RPL29: variants seen among roughly 807,000 people sequenced by gnomAD.
RPL29 encodes ribosomal protein L29.
RPL29 carries 4 observed loss-of-function variants against 7.2 expected under a neutral mutation model. The observed-to-expected ratio is 0.55, with a 90% confidence interval of 0.27 to 1.26. The LOEUF is 1.26. RPL29 is among the 50% of genes most tolerant of loss of function. RPL29 has a pLI of 0.11. For synonymous variants in RPL29, 73 were observed against 72.8 expected (o/e 1.00, Z -0.01); for missense variants, 148 against 209.1 (o/e 0.71, Z 1.80).
rs1701274137 is a variant in RPL29, at chr3:51,993,590, C to G, written c.*159G>C. 1 of 790,828 alleles carries G rather than the reference C, an allele frequency of 1.3e-6. No individual in the cohort carries two copies. Among genetic ancestry groups the G allele is most frequent in the Admixed American group, 2.7e-5 (1 of 36,426 alleles). The allele number at this position is 790,828 out of a possible 1,614,324, so 49.0% of individuals were successfully genotyped here. A position where few individuals can be genotyped will look rare whatever the true frequency, so the allele number is the denominator to read the frequency against. Reference sequence around the variant, plus strand: ...CTCCCACACCAACAGATGGAGCAACCAAACCCATCCCCAGGATCATAGACA... The same window carrying G: ...CTCCCACACCAACAGATGGAGCAACGAAACCCATCCCCAGGATCATAGACA... On this transcript the variant is annotated 3_prime_UTR_variant, in exon 4 of 4. Transcript: ENST00000294189.
chr3:51,995,278 C>T, intron 2 of RPL29, 147 bp downstream of exon 2: 1 of 1,039,588 alleles, frequency 9.6e-7, no homozygotes, highest in Non-Finnish European at 1.5e-6. Flanking sequence ...AAGTAGATCT[C>T]TAAACCTATA....
intron 2 of RPL29, 50 bp downstream of exon 2, chr3:51,995,375 A>C (rs1701300602): frequency 6.2e-7 from 1 of 1,602,620 alleles, no homozygotes. Flanking sequence ...AGTTTGCCTG[A>C]ACCAGTCCTT....
chr3:51,993,601 C>A lies in RPL29; in HGVS notation c.*148G>T. The stretch of plus-strand genomic sequence containing the variant: ...ACAGATGGAGCAACCAAACCCATCC[C>A]CAGGATCATAGACAGAGGCTAACAA... On this transcript the variant is annotated 3_prime_UTR_variant, in exon 4 of 4. Coordinates refer to ENST00000294189, the MANE Select transcript of RPL29 (RefSeq NM_000992.3). 1.2e-6 allele frequency: 1 copy of A among 858,794 alleles called. No individual in the cohort carries two copies. The highest frequency in any genetic ancestry group is 1.8e-6 in the Non-Finnish European group (1 of 561,132). The allele number at this position is 858,794 out of a possible 1,614,324, so 53.2% of individuals were successfully genotyped here.
rs1460636499 is a variant in RPL29, at chr3:51,995,310, TGAA to T, written c.37+112_37+114del. The T allele has an allele frequency of 3.5e-5, 43 of 1,213,630 alleles. 1 individual carries two copies. In the Admixed American group the frequency reaches 4.6e-4, roughly 13 times the overall value. The allele number at this position is 1,213,630 out of a possible 1,614,324, so 75.2% of individuals were successfully genotyped here. A position where few individuals can be genotyped will look rare whatever the true frequency, so the allele number is the denominator to read the frequency against. On this transcript the variant is annotated intron_variant, in intron 2 of 3. Transcript: ENST00000294189. ...TATAAACCCTAAAGTTATTACTGGG[TGAA>T]ATCAATCAGCCTCAGGCCCACAATG...
Position 51,993,645 on chromosome 3 carries a change from T to C in RPL29, c.*104A>G, listed in dbSNP as rs1475254535. 1.4e-5 allele frequency: 17 copies of C among 1,199,908 alleles called. No homozygotes were observed. The East Asian group carries it at 1.9e-4, about 13-fold the overall frequency. 74.3% of individuals were successfully genotyped at this position (1,199,908 alleles called of 1,614,324 possible). Reference sequence around the variant, plus strand: ...CTAACAAATCCTGCCTCAGGTTTATTTGTACAAATAGCACAGGAGGACCCC... The same window carrying C: ...CTAACAAATCCTGCCTCAGGTTTATCTGTACAAATAGCACAGGAGGACCCC... On this transcript the variant is annotated 3_prime_UTR_variant, in exon 4 of 4. Coordinates refer to ENST00000294189, the MANE Select transcript of RPL29 (RefSeq NM_000992.3).
chr3:51,994,860 G>A lies in RPL29; in HGVS notation c.102+182C>T, dbSNP rs1021897745. ...TGACCAGAGGGTTACACTTCAGGCT[G>A]TGGAGACCAAGGAAAGCTTTATTAT... On this transcript the variant is annotated intron_variant, in intron 3 of 3. Transcript: ENST00000294189. 5 of 745,408 alleles carry A rather than the reference G, an allele frequency of 6.7e-6. No individual in the cohort carries two copies. The Middle Eastern group carries it at 6.9e-4, about 102-fold the overall frequency. The allele number at this position is 745,408 out of a possible 1,614,324, so 46.2% of individuals were successfully genotyped here.
rs775633324 is a variant in RPL29, at chr3:51,994,145, A to G, written c.103-19T>C. Reference sequence around the variant, plus strand: ...GGTCCACCTGAAAAGCAGGAAAGGTACAGGTGGCAGCATGTGGGTCCCCAA... The same window carrying G: ...GGTCCACCTGAAAAGCAGGAAAGGTGCAGGTGGCAGCATGTGGGTCCCCAA... On this transcript the variant is annotated intron_variant, in intron 3 of 3. Coordinates refer to ENST00000294189, the MANE Select transcript of RPL29 (RefSeq NM_000992.3). 1 of 1,574,882 alleles carries G rather than the reference A, an allele frequency of 6.3e-7. No individual in the cohort carries two copies. The highest frequency in any genetic ancestry group is 1.4e-5 in the African/African-American group (1 of 74,056).
intron 2 of RPL29, 119 bp from the exon 3 acceptor site, chr3:51,995,225 T>C: frequency 9.8e-7 from 1 of 1,019,814 alleles, no homozygotes; most frequent in Non-Finnish European, 1.5e-6. Flanking sequence ...ACACTTGAGA[T>C]ATGGGAAACC....
chr3:51,994,483 A>T (rs1701289480), intron 3 of RPL29: 1 of 331,722 alleles, frequency 3.0e-6, no homozygotes, highest in South Asian at 4.4e-5. Flanking sequence ...GTGTCAATTA[A>T]ATACCAAGTC....
Position 51,995,020 on chromosome 3 carries a change from C to A in RPL29, c.102+22G>T, listed in dbSNP as rs146299911. 2,561 of 1,602,060 alleles carry A rather than the reference C, an allele frequency of 1.6e-3. 4 individuals carry two copies. The highest frequency in any genetic ancestry group is 2.0e-3 in the Non-Finnish European group (2,390 of 1,169,276). On this transcript the variant is annotated intron_variant, in intron 3 of 3. Transcript: ENST00000294189. ...CACCTGGAACCAAGAAAAGACACTT[C>A]CATGTGATTCAGTGCACTCACCCCC...
rs140909692 is a variant in RPL29, at chr3:51,995,032, G to A, written c.102+10C>T. 323 of 1,609,610 alleles carry A rather than the reference G, an allele frequency of 2.0e-4. 2 individuals carry two copies. In the East Asian group the frequency reaches 5.6e-3, roughly 28 times the overall value. On this transcript the variant is annotated intron_variant, in intron 3 of 3. Transcript: ENST00000294189. ...AGAAAAGACACTTCCATGTGATTCAGTGCACTCACCCCCTTAAGAGATTCG... is the reference window on the plus strand; with the variant it reads ...AGAAAAGACACTTCCATGTGATTCAATGCACTCACCCCCTTAAGAGATTCG...
chr3:51,994,826 G>A, intron 3 of RPL29: 1 of 710,800 alleles, frequency 1.4e-6, no homozygotes, highest in Non-Finnish European at 2.6e-6. Flanking sequence ...CAGGAGGCAG[G>A]TTACACCCTG....
In RPL29 at chr3:51,994,026, C is replaced by G. The variant is rs762295825; in HGVS notation, c.203G>C (p.Arg68Pro). 9.4e-6 allele frequency: 15 copies of G among 1,599,240 alleles called. No individual in the cohort carries two copies. Among genetic ancestry groups the G allele is most frequent in the African/African-American group, 1.3e-5 (1 of 74,892 alleles). Residue 68 changes from arginine to proline, a missense_variant, in exon 4 of 4, where the codon CGT becomes CCT. By Grantham distance (103) the Arg-to-Pro change is moderately radical. Coordinates refer to ENST00000294189, the MANE Select transcript of RPL29 (RefSeq NM_000992.3). ...TACGAGGGCCTTGATAGCCTCGGCA[C>G]GTGCACTCATGGCCTTGGCATTGTT... Reference protein sequence around the residue: ...QANNAKAMSARAEAIKALVKP... With the variant: ...QANNAKAMSAPAEAIKALVKP...
chr3:51,994,886 G>A (rs1315813920), intron 3 of RPL29, 156 bp downstream of exon 3: 1 of 787,494 alleles, frequency 1.3e-6, no homozygotes, highest in South Asian at 1.3e-5. Context: ...GCTTTATTAT[G>A]GGTCTGGTAG....
Position 51,995,031 on chromosome 3 carries a change from A to G in RPL29, c.102+11T>C, listed in dbSNP as rs778256940. 1.2e-6 allele frequency: 2 copies of G among 1,608,838 alleles called. No individual in the cohort carries two copies. Among genetic ancestry groups the G allele is most frequent in the Non-Finnish European group, 1.7e-6 (2 of 1,175,440 alleles). ...AAGAAAAGACACTTCCATGTGATTC[A>G]GTGCACTCACCCCCTTAAGAGATTC... On this transcript the variant is annotated intron_variant, in intron 3 of 3. Coordinates refer to ENST00000294189, the MANE Select transcript of RPL29 (RefSeq NM_000992.3).
At chr3:51,994,797 G>C in intron 3 of RPL29, 2 of 702,300 alleles carry the variant, frequency 2.8e-6, no homozygotes, top group Admixed American at 4.0e-5. Flanking sequence ...CCAAGCAAGG[G>C]AGATAGCCAA....
intron 2 of RPL29, 129 bp from the exon 3 acceptor site, chr3:51,995,235 C>G (rs1305774253): frequency 2.0e-6 from 2 of 989,022 alleles, no homozygotes; most frequent in East Asian, 4.8e-5. Flanking sequence ...TATGGGAAAC[C>G]CTTACTACTA....
chr3:51,995,822 CG>C lies in RPL29; in HGVS notation c.-9+34del, dbSNP rs1465962385. ...GCGCCCCGCCGCCACCCGTAAGTCGCGGATGGCATCGGATGCCGCGCGGCCA... is the reference window on the plus strand; with the variant it reads ...GCGCCCCGCCGCCACCCGTAAGTCGCGATGGCATCGGATGCCGCGCGGCCA... On this transcript the variant is annotated intron_variant, in intron 1 of 3. Coordinates refer to ENST00000294189, the MANE Select transcript of RPL29 (RefSeq NM_000992.3). The C allele has an allele frequency of 1.3e-5, 4 of 310,530 alleles. No homozygotes were observed. In the Admixed American group the frequency reaches 1.8e-4, roughly 14 times the overall value. The allele number at this position is 310,530 out of a possible 1,614,324, so 19.2% of individuals were successfully genotyped here.
At chr3:51,995,301 A>G in intron 2 of RPL29, 124 bp downstream of exon 2, 2 of 1,159,954 alleles carry the variant, frequency 1.7e-6, no homozygotes, top group East Asian at 2.4e-5. Context: ...CCCTAAAGTT[A>G]TTACTGGGTG....
Sources: gnomAD v4.1 joint callset for allele counts on GRCh38, gnomAD v4.1.1 for gene constraint, MANE v1.5 for transcripts, NCBI Gene and HGNC (gene_info 2026-07-23, HGNC 2026-07-21) for gene names.